SLIT2: variants seen among roughly 807,000 people sequenced by gnomAD.
SLIT2 encodes the protein slit homolog 2 protein.
In SLIT2, 41 loss-of-function variants were observed where a neutral mutation model predicts 185.7. The observed-to-expected ratio is 0.22, with a 90% CI of 0.17 to 0.29. SLIT2 has a LOEUF of 0.29. Ranked by LOEUF, SLIT2 falls within the 10% of genes least tolerant of loss-of-function variation. The probability of loss-of-function intolerance (pLI) is 1.00; values close to 1 mark genes in which losing one functional copy is unlikely to be tolerated. For synonymous variants in SLIT2, 693 were observed against 680.2 expected, an observed-to-expected ratio of 1.02 and a Z score of -0.29; for missense variants, 1,571 against 1,909.0, an observed-to-expected ratio of 0.82 and a Z score of 3.30.
chr4:20,518,252 TATA>T (rs1484371913), intron 11 of SLIT2, among the ~76,000 whole-genome samples: 24 of 101,306 alleles, frequency 2.4e-4, no homozygotes, highest in Admixed American at 5.1e-4. Flanking sequence ...TATATATATA[TATA>T]TTTTTTTTTT....
At chr4:20,617,306 A>G in intron 35 of SLIT2, 108 bp downstream of exon 35, 1 of 742,186 alleles carries the variant, frequency 1.3e-6, no homozygotes, top group Non-Finnish European at 2.2e-6. Flanking sequence ...AGGGGAGGGG[A>G]GGGGAGGTTC....
chr4:20,606,472 A>C (rs1728803639), intron 33 of SLIT2, among the ~76,000 whole-genome samples: 1 of 128,264 alleles, frequency 7.8e-6, no homozygotes. Flanking sequence ...ACAGAGCGAG[A>C]CTCTGTCTCA....
rs559378510 is a variant in SLIT2, at chr4:20,375,656, C to T, written c.396-92096C>T. ...AGTTGAAAGTGTTAACTTCTGTGTT[C>T]CTTTAGGGCCCTTTAAATTTCATCA... On this transcript the variant is annotated intron_variant, in intron 4 of 36. Transcript: ENST00000504154. 5.3e-4 allele frequency among the ~76,000 whole-genome samples: 80 copies of T among 152,000 alleles called. No homozygotes were observed. In the South Asian group the frequency reaches 0.015, roughly 28 times the overall value.
At position 20,382,135 on chromosome 4, in the gene SLIT2, A is replaced by T. The variant is rs551636673; in HGVS notation, c.396-85617A>T. Among the ~76,000 whole-genome samples the T allele has an allele frequency of 1.8e-4, 27 of 152,248 alleles. 1 individual carries two copies. Among genetic ancestry groups the T allele is most frequent in the African/African-American group, 6.5e-4 (27 of 41,560 alleles). ...ATATTAACAGATTTTTTTCAAAAGG[A>T]AAAAGGATTTGACTAAATTTAGGAC... is the stretch of plus-strand genomic sequence containing the variant. On this transcript the variant is annotated intron_variant, in intron 4 of 36. Transcript: ENST00000504154.
rs906133607 is a variant in SLIT2 at position 20,567,400 on chromosome 4, C to T, written c.2850+14C>T. ...TATGGTTTCAAGGTAAGTAAAAGCA[C>T]TTTAAGAGTCACAGTTTGAGAGCAT... On this transcript the variant is annotated intron_variant, in intron 27 of 36. Transcript: ENST00000504154. 2.2e-5 allele frequency: 35 copies of T among 1,612,962 alleles called. No individual in the cohort carries two copies. The highest frequency in any genetic ancestry group is 5.5e-5 in the South Asian group (5 of 91,018).
intron 4 of SLIT2, among the ~76,000 whole-genome samples, chr4:20,358,551 G>T (rs1722509890): frequency 6.6e-6 from 1 of 151,904 alleles, no homozygotes; most frequent in Non-Finnish European, 1.5e-5. Flanking sequence ...GAAAAATTTG[G>T]GTGTCTACTC....
intron 4 of SLIT2, among the ~76,000 whole-genome samples, chr4:20,386,846 T>C (rs1311046230): frequency 6.6e-6 from 1 of 152,242 alleles, no homozygotes; most frequent in Non-Finnish European, 1.5e-5. Context: ...AAGAACGGAA[T>C]TGTAGCATTT....
At chr4:20,307,366 C>A (rs987165792) in intron 4 of SLIT2, among the ~76,000 whole-genome samples, 1 of 150,970 alleles carries the variant, frequency 6.6e-6, no homozygotes, top group Non-Finnish European at 1.5e-5. Flanking sequence ...GGACTCAAGC[C>A]ATCCTCCTGC....
chr4:20,598,343 C>T lies in SLIT2; in HGVS notation c.3640C>T (p.Arg1214Cys), dbSNP rs1728143562. The change falls in exon 33 of 37, where the codon CGT becomes TGT. Residue 1214 changes from arginine to cysteine, a missense_variant. By Grantham distance (180) the Arg-to-Cys change is radical. Coordinates refer to ENST00000504154, the MANE Select transcript of SLIT2 (RefSeq NM_004787.4). ...TATCGCGGTAGAACTCTATCGGGGG[C>T]GTGTTCGTGCCAGCTATGACACCGG... is the stretch of plus-strand genomic sequence containing the variant. ...DHIAVELYRGRVRASYDTGSH... is the reference protein window; with the variant it reads ...DHIAVELYRGCVRASYDTGSH... 2.5e-6 allele frequency: 4 copies of T among 1,613,998 alleles called. No individual in the cohort carries two copies. The highest frequency in any genetic ancestry group is 2.2e-5 in the East Asian group (1 of 44,874).
chr4:20,282,442 G>T (rs1445810085), intron 4 of SLIT2, among the ~76,000 whole-genome samples: 1 of 152,084 alleles, frequency 6.6e-6, no homozygotes, highest in Non-Finnish European at 1.5e-5. Flanking sequence ...AAAATAATAT[G>T]ATTCAGTTTT....
intron 4 of SLIT2, among the ~76,000 whole-genome samples, chr4:20,327,864 T>C (rs1032212785): frequency 2.0e-5 from 3 of 152,108 alleles, no homozygotes; most frequent in Non-Finnish European, 4.4e-5. Context: ...TTCATACATG[T>C]TGGAAATCTA....
chr4:20,526,539 A>G (rs1206601008), intron 15 of SLIT2, among the ~76,000 whole-genome samples: 1 of 152,210 alleles, frequency 6.6e-6, no homozygotes, highest in African/African-American at 2.4e-5. Context: ...GTATCAAATT[A>G]TTCAAACTAT....
intron 4 of SLIT2, among the ~76,000 whole-genome samples, chr4:20,282,858 A>G (rs1476625779): frequency 6.6e-6 from 1 of 152,174 alleles, no homozygotes; most frequent in Non-Finnish European, 1.5e-5. Context: ...AGATTTTATT[A>G]AAGACCATTT....
At chr4:20,545,970 C>T in intron 21 of SLIT2, 61 bp from the exon 22 acceptor site, 1 of 969,774 alleles carries the variant, frequency 1.0e-6, no homozygotes. Flanking sequence ...GTACTGTTTA[C>T]TTATTTTATT....
chr4:20,368,381 A>C (rs924472296), intron 4 of SLIT2, among the ~76,000 whole-genome samples: 1 of 151,898 alleles, frequency 6.6e-6, no homozygotes, highest in Non-Finnish European at 1.5e-5. Context: ...CAAAACAAAA[A>C]AAAGAGAAAG....
chr4:20,312,328 T>C (rs565363571), intron 4 of SLIT2, among the ~76,000 whole-genome samples: 2 of 152,268 alleles, frequency 1.3e-5, no homozygotes, highest in Admixed American at 1.3e-4. Context: ...ATACATGATG[T>C]GATTGTAAAT....
At chr4:20,533,039 T>C (rs566502458) in intron 17 of SLIT2, among the ~76,000 whole-genome samples, 1 of 152,336 alleles carries the variant, frequency 6.6e-6, no homozygotes, top group South Asian at 2.1e-4. Context: ...CTGGCAAGCA[T>C]TGTAGTAGTT....
At chr4:20,589,968 C>T (rs1221928692) in intron 30 of SLIT2, among the ~76,000 whole-genome samples, 43 of 143,602 alleles carry the variant, frequency 3.0e-4, no homozygotes, top group Admixed American at 7.2e-5. Flanking sequence ...TGCAGTGGCA[C>T]GATCTCGGCT....
At chr4:20,372,861 TGTAA>T (rs927556084) in intron 4 of SLIT2, among the ~76,000 whole-genome samples, 3 of 152,090 alleles carry the variant, frequency 2.0e-5, no homozygotes, top group Non-Finnish European at 2.9e-5. Flanking sequence ...CATTTTTTGT[TGTAA>T]GTATGTTTAC....
Sources: gnomAD v4.1 joint callset for allele counts (sites outside exome capture counted in the v4.1 genomes callset) on GRCh38, gnomAD v4.1.1 for gene constraint, MANE v1.5 for transcripts, NCBI Gene and HGNC (gene_info 2026-07-23, HGNC 2026-07-21) for gene names.